DAB1: variants seen among roughly 807,000 people sequenced by gnomAD.
DAB1 encodes the protein disabled homolog 1.
In DAB1, 15 loss-of-function variants were observed where a neutral mutation model predicts 64.6. That is an observed-to-expected ratio of 0.23 (90% confidence interval 0.16 to 0.36). The LOEUF (loss-of-function observed/expected upper bound fraction) is 0.36. Among genes scored for constraint, DAB1 ranks in the 10% least tolerant of loss-of-function variants. DAB1 has a pLI of 1.00. For synonymous variants in DAB1, 235 were observed against 251.9 expected (o/e 0.93, Z 0.64); for missense variants, 596 against 706.7 (o/e 0.84, Z 1.78).
intron 4 of DAB1, among the ~76,000 whole-genome samples, chr1:57,092,452 A>G (rs112506066): frequency 0.21 from 31,385 of 151,774 alleles, 3,418 homozygotes; most frequent in East Asian, 0.3. Context: ...AGTTCTCATG[A>G]GATGTCATGG....
intron 6 of DAB1, among the ~76,000 whole-genome samples, chr1:57,660,829 A>G (rs572354803): frequency 8.5e-4 from 130 of 152,324 alleles, no homozygotes; most frequent in Non-Finnish European, 1.4e-3. Flanking sequence ...TCTCAGCTTC[A>G]GAGCTTCCCA....
intron 4 of DAB1, among the ~76,000 whole-genome samples, chr1:58,290,443 G>A (rs1661789498): frequency 2.6e-5 from 4 of 152,104 alleles, no homozygotes; most frequent in Admixed American, 2.0e-4. Flanking sequence ...TATTATTAAA[G>A]CACAACATGT....
At chr1:57,176,970 T>TACAAAAAAAAAAAA (rs146465598) in intron 2 of DAB1, among the ~76,000 whole-genome samples, 4 of 61,050 alleles carry the variant, frequency 6.6e-5, no homozygotes, top group African/African-American at 1.6e-4. Context: ...CAGCAGCAGA[T>TACAAAAAAAAAAAA]ATAAAAAAAA....
intron 2 of DAB1, among the ~76,000 whole-genome samples, chr1:57,218,079 A>C (rs772352898): frequency 5.3e-5 from 8 of 152,202 alleles, no homozygotes; most frequent in Non-Finnish European, 1.0e-4. Flanking sequence ...ACCATGCTGT[A>C]GGAATGCAGA....
intron 2 of DAB1, among the ~76,000 whole-genome samples, chr1:57,150,193 T>C (rs141720916): frequency 2.6e-5 from 4 of 152,276 alleles, no homozygotes; most frequent in African/African-American, 9.6e-5. Context: ...TAATGGGTGC[T>C]CCCAGTATTA....
chr1:57,378,838 C>T (rs1681123201), intron 1 of DAB1, among the ~76,000 whole-genome samples: 1 of 152,154 alleles, frequency 6.6e-6, no homozygotes, highest in South Asian at 2.1e-4. Flanking sequence ...CCATCTTTTT[C>T]ATGGACCCAA....
At chr1:57,288,677 C>T (rs1672530723) in intron 2 of DAB1, among the ~76,000 whole-genome samples, 1 of 151,706 alleles carries the variant, frequency 6.6e-6, no homozygotes, top group African/African-American at 2.4e-5. Flanking sequence ...ATGGTATTTT[C>T]TTGTGGCAGC....
At chr1:57,037,009 C>G (rs1377243808) in intron 9 of DAB1, among the ~76,000 whole-genome samples, 1 of 152,138 alleles carries the variant, frequency 6.6e-6, no homozygotes, top group Non-Finnish European at 1.5e-5. Flanking sequence ...AAATCAGAAA[C>G]CTGCTGTGGT....
chr1:57,853,249 A>C (rs902851492), intron 1 of DAB1, among the ~76,000 whole-genome samples: 2 of 137,084 alleles, frequency 1.5e-5, no homozygotes, highest in African/African-American at 5.4e-5. Context: ...GCTATCTTTA[A>C]AAAAAAAAAA....
chr1:57,783,111 T>C (rs1388938149), intron 6 of DAB1, among the ~76,000 whole-genome samples: 2 of 143,200 alleles, frequency 1.4e-5, no homozygotes, highest in Admixed American at 7.0e-5. Context: ...CTTTTCTTTT[T>C]TTTTTTTTTT....
chr1:57,730,306 C>G (rs1292059663), intron 6 of DAB1, among the ~76,000 whole-genome samples: 3 of 152,216 alleles, frequency 2.0e-5, no homozygotes, highest in Non-Finnish European at 4.4e-5. Flanking sequence ...ACTGTCATAT[C>G]TGTAAAACTG....
chr1:57,199,510 T>C (rs1402458295), intron 2 of DAB1, among the ~76,000 whole-genome samples: 1 of 152,148 alleles, frequency 6.6e-6, no homozygotes, highest in East Asian at 1.9e-4. Context: ...AATGTAACCA[T>C]AGCCATGTCA....
chr1:57,483,673 G>A (rs1027769934), intron 7 of DAB1, among the ~76,000 whole-genome samples: 4 of 151,876 alleles, frequency 2.6e-5, no homozygotes, highest in Non-Finnish European at 5.9e-5. Context: ...GTGCAGTGGT[G>A]CAATCATATT....
chr1:58,064,107 G>A (rs932361970), intron 5 of DAB1, among the ~76,000 whole-genome samples: 2 of 152,150 alleles, frequency 1.3e-5, no homozygotes, highest in Admixed American at 6.5e-5. Flanking sequence ...TGGGGATTTG[G>A]AGAAACAGTC....
intron 5 of DAB1, among the ~76,000 whole-genome samples, chr1:57,948,734 A>C (rs533899710): frequency 6.6e-6 from 1 of 152,314 alleles, no homozygotes; most frequent in African/African-American, 2.4e-5. Flanking sequence ...TCTCTCTTGT[A>C]CTTGACTGGG....
chr1:58,374,677 C>T (rs1644306044), intron 3 of DAB1, among the ~76,000 whole-genome samples: 2 of 136,350 alleles, frequency 1.5e-5, no homozygotes, highest in African/African-American at 5.5e-5. Context: ...TTTTTTGGTT[C>T]CATATGAACT....
intron 1 of DAB1, among the ~76,000 whole-genome samples, chr1:57,379,595 G>A (rs1223180440): frequency 6.6e-6 from 1 of 152,298 alleles, no homozygotes; most frequent in South Asian, 2.1e-4. Context: ...AACTGCCTAA[G>A]GTTGGAACCT....
At chr1:57,198,344 T>C (rs1175582769) in intron 2 of DAB1, among the ~76,000 whole-genome samples, 1 of 152,100 alleles carries the variant, frequency 6.6e-6, no homozygotes, top group African/African-American at 2.4e-5. Context: ...AAGAGAAACA[T>C]AGTCCTAGAG....
At chr1:57,031,501 G>A (rs17114840) in intron 9 of DAB1, among the ~76,000 whole-genome samples, 2,149 of 152,256 alleles carry the variant, frequency 0.014, 51 homozygotes, top group African/African-American at 0.049. Context: ...ACTGAGCCCC[G>A]TAAAGTCAAC....
Sources: gnomAD v4.1 joint callset for allele counts (sites outside exome capture counted in the v4.1 genomes callset) on GRCh38, gnomAD v4.1.1 for gene constraint, MANE v1.5 for transcripts, NCBI Gene and HGNC (gene_info 2026-07-23, HGNC 2026-07-21) for gene names.